WDR27: variants seen among roughly 807,000 people sequenced by gnomAD.
The protein encoded by WDR27 is WD repeat domain 27.
Under a neutral mutation model 114.4 loss-of-function variants are expected in WDR27, and 100 were observed. That is an observed-to-expected ratio of 0.87 (90% CI 0.74 to 1.03). The LOEUF (loss-of-function observed/expected upper bound fraction) is 1.03. Ranked by LOEUF, WDR27 falls within the 50% of genes least tolerant of loss-of-function variation. The pLI is 0.00. For missense variants in WDR27, 1,129 were observed against 1,092.9 expected (o/e 1.03, Z -0.47); for synonymous variants, 449 against 423.1 (o/e 1.06, Z -0.75).
Position 169,667,990 on chromosome 6 carries a change from C to G in WDR27, c.652G>C (p.Gly218Arg). The part of the protein sequence containing the change: ...GTLISASEDR[G>R]FKVWDHCTGS... ...CAGCGTCCATCCCTCACCTTAAAGCCTCTGTCCTCAGACGCCGAGATGAGG... is the reference window on the plus strand; with the variant it reads ...CAGCGTCCATCCCTCACCTTAAAGCGTCTGTCCTCAGACGCCGAGATGAGG... Residue 218 changes from glycine to arginine, a missense_variant, in exon 5 of 26, where the codon GGC becomes CGC. By Grantham distance (125) the Gly-to-Arg change is moderately radical. Transcript: ENST00000448612. The G allele has an allele frequency of 1.2e-6, 2 of 1,612,654 alleles. No individual in the cohort carries two copies. Among genetic ancestry groups the G allele is most frequent in the South Asian group, 2.2e-5 (2 of 90,924 alleles).
chr6:169,571,440 C>G (rs533819573), intron 25 of WDR27, among the ~76,000 whole-genome samples: 43 of 152,340 alleles, frequency 2.8e-4, no homozygotes, highest in Non-Finnish European at 2.4e-4. Context: ...GAATTCCCAA[C>G]TTTTCGGACT....
chr6:169,642,028 T>C (rs1819322246), intron 17 of WDR27, among the ~76,000 whole-genome samples: 1 of 152,244 alleles, frequency 6.6e-6, no homozygotes, highest in Non-Finnish European at 1.5e-5. Context: ...AACTCCTTTA[T>C]TAAATTAAAT....
At chr6:169,588,286 T>G (rs1805040309) in intron 23 of WDR27, among the ~76,000 whole-genome samples, 1 of 152,252 alleles carries the variant, frequency 6.6e-6, no homozygotes, top group South Asian at 2.1e-4. Context: ...TTGTTTATAT[T>G]TCTCTTGACT....
chr6:169,457,603 T>G lies in WDR27; in HGVS notation c.2677A>C (p.Ser893Arg). The change falls in exon 26 of 26, where the codon AGC (serine) becomes CGC (arginine). Residue 893 changes from serine (S) to arginine (R), a missense_variant. Ser to Arg is a moderately radical substitution (Grantham distance 110). Coordinates refer to ENST00000448612, the MANE Select transcript of WDR27 (RefSeq NM_182552.5). ...LPQLPWMVNS[S>R]SF ...CAGTGGTTACTCAGCTAGAAAGAGC[T>G]GGAGTTTACCATCCAAGGTAGCTGT... The G allele has an allele frequency of 6.4e-7, 1 of 1,552,718 alleles. No individual in the cohort carries two copies. Among genetic ancestry groups the G allele is most frequent in the Non-Finnish European group, 8.7e-7 (1 of 1,147,350 alleles).
intron 25 of WDR27, among the ~76,000 whole-genome samples, chr6:169,475,056 G>C (rs1227675939): frequency 6.6e-6 from 1 of 152,174 alleles, no homozygotes; most frequent in African/African-American, 2.4e-5. Flanking sequence ...AAACCTTACT[G>C]TCAGTTGTTG....
intron 16 of WDR27, among the ~76,000 whole-genome samples, chr6:169,646,849 CAGA>C (rs1172811799): frequency 1.3e-5 from 2 of 152,032 alleles, no homozygotes; most frequent in African/African-American, 4.8e-5. Context: ...TATCAAAGAT[CAGA>C]AGGACATTTA....
At chr6:169,531,416 G>A (rs563946747) in intron 25 of WDR27, among the ~76,000 whole-genome samples, 2 of 152,230 alleles carry the variant, frequency 1.3e-5, no homozygotes, top group Admixed American at 6.5e-5. Flanking sequence ...ATCCATCTGA[G>A]GAACAGAAAC....
chr6:169,640,228 C>T (rs1004747173), intron 17 of WDR27, among the ~76,000 whole-genome samples: 2 of 152,212 alleles, frequency 1.3e-5, no homozygotes, highest in Non-Finnish European at 2.9e-5. Flanking sequence ...AGACCCCTTC[C>T]TGTGGGCCTC....
chr6:169,496,834 G>A (rs1457866507), intron 25 of WDR27, among the ~76,000 whole-genome samples: 2 of 152,048 alleles, frequency 1.3e-5, no homozygotes, highest in Non-Finnish European at 2.9e-5. Context: ...TCATGGATTG[G>A]AACACAATAT....
rs1231819647 is a variant in WDR27, at chr6:169,670,707, C to T, written c.332-14G>A. The stretch of plus-strand genomic sequence containing the variant: ...GAGGGACCAGCCCTAGAGTGAGTTT[C>T]ACCATTAGTGCCAGTTTACCAAATG... On this transcript the variant is annotated splice_polypyrimidine_tract_variant and intron_variant, in intron 3 of 25. Coordinates refer to ENST00000448612, the MANE Select transcript of WDR27 (RefSeq NM_182552.5). The T allele has an allele frequency of 1.2e-6, 2 of 1,613,438 alleles. No homozygotes were observed. Among genetic ancestry groups the T allele is most frequent in the Non-Finnish European group, 1.7e-6 (2 of 1,179,598 alleles).
chr6:169,682,739 C>T (rs1261972621), intron 2 of WDR27, among the ~76,000 whole-genome samples: 2 of 152,192 alleles, frequency 1.3e-5, no homozygotes, highest in Non-Finnish European at 2.9e-5. Context: ...TAAGTTGCGA[C>T]AGACTGACCA....
intron 25 of WDR27, among the ~76,000 whole-genome samples, chr6:169,551,612 CTGTAA>C: frequency 6.6e-6 from 1 of 151,950 alleles, no homozygotes; most frequent in South Asian, 2.1e-4. Flanking sequence ...TGGTGGGTGC[CTGTAA>C]TCCCAGCTAC....
intron 23 of WDR27, among the ~76,000 whole-genome samples, chr6:169,583,486 T>TAC (rs369546379): frequency 1.5e-5 from 2 of 136,332 alleles, no homozygotes; most frequent in South Asian, 4.8e-4. Context: ...TGTGTATATA[T>TAC]ACATATATAT....
rs371609667 is a variant in WDR27 at position 169,623,545 on chromosome 6, G to C, written c.2223+9402C>G. 3.7e-4 allele frequency among the ~76,000 whole-genome samples: 56 copies of C among 152,248 alleles called. No individual in the cohort carries two copies. In the East Asian group the frequency reaches 0.01, roughly 28 times the overall value. On this transcript the variant is annotated intron_variant, in intron 21 of 25. Coordinates refer to ENST00000448612, the MANE Select transcript of WDR27 (RefSeq NM_182552.5). ...ACGGCACCACTCACCGGGCCCGCAG[G>C]CTTCACACAGAAGTCACAGCCTGCG...
At chr6:169,559,090 G>T (rs965718540) in intron 25 of WDR27, 1 of 152,234 alleles carries the variant, frequency 6.6e-6, no homozygotes, top group South Asian at 2.1e-4. Flanking sequence ...AAGAAATTCC[G>T]TCGGCAACCA....
chr6:169,463,435 T>C (rs563146014), intron 25 of WDR27, among the ~76,000 whole-genome samples: 42 of 152,186 alleles, frequency 2.8e-4, no homozygotes, highest in Non-Finnish European at 4.9e-4. Context: ...CACAGGTCAT[T>C]ATACTCGATG....
chr6:169,532,986 G>A (rs73038136), intron 25 of WDR27, among the ~76,000 whole-genome samples: 5 of 152,214 alleles, frequency 3.3e-5, no homozygotes, highest in African/African-American at 4.8e-5. Flanking sequence ...ACATATATAT[G>A]TGTGTGTCAG....
intron 25 of WDR27, among the ~76,000 whole-genome samples, chr6:169,458,404 G>C (rs1324863506): frequency 6.6e-6 from 1 of 151,816 alleles, no homozygotes; most frequent in South Asian, 2.1e-4. Flanking sequence ...TCCAGGAGAA[G>C]CAACTTCCAG....
At chr6:169,651,579 C>T (rs1428087713) in intron 14 of WDR27, among the ~76,000 whole-genome samples, 1 of 152,010 alleles carries the variant, frequency 6.6e-6, no homozygotes, top group African/African-American at 2.4e-5. Context: ...AGAAGAGCAC[C>T]GTGTCCGGCC....
Sources: allele counts gnomAD v4.1 joint callset (sites outside exome capture counted in the v4.1 genomes callset), GRCh38; gene constraint gnomAD v4.1.1; transcripts MANE v1.5; gene names NCBI Gene and HGNC (gene_info 2026-07-23, HGNC 2026-07-21).